ACAN: variants seen among roughly 807,000 people sequenced by gnomAD.
The protein encoded by ACAN is aggrecan.
ACAN carries 47 observed loss-of-function variants against 169.1 expected under a neutral mutation model. That is an observed-to-expected ratio of 0.28 (90% CI 0.22 to 0.35). The LOEUF (loss-of-function observed/expected upper bound fraction) is 0.35. Among genes scored for constraint, ACAN ranks in the 10% least tolerant of loss-of-function variants. ACAN has a pLI of 1.00. For missense variants in ACAN, 2,716 were observed against 2,759.9 expected, an observed-to-expected ratio of 0.98 and a Z score of 0.36; for synonymous variants, 1,115 against 1,112.2, an observed-to-expected ratio of 1.00 and a Z score of -0.05.
Position 88,845,831 on chromosome 15 carries a change from G to T in ACAN, c.1378G>T (p.Asp460Tyr). The change falls in exon 7 of 19, where the codon GAC becomes TAC. Residue 460 changes from aspartate (D) to tyrosine (Y), a missense_variant. By Grantham distance (160) the Asp-to-Tyr change is radical. Coordinates refer to ENST00000560601, the MANE Select transcript of ACAN (RefSeq NM_001369268.1). ...CCCTGCCACGGCATTCACCAGTGAG[G>T]ACCTCGTCGTGCAGGTGACCGCTGT... The part of the protein sequence containing the change: ...LGPATAFTSE[D>Y]LVVQVTAVPG... 5 of 1,506,764 alleles carry T rather than the reference G, an allele frequency of 3.3e-6. No homozygotes were observed. The highest frequency in any genetic ancestry group is 1.8e-4 in the Middle Eastern group (1 of 5,702). The allele number at this position is 1,506,764 out of a possible 1,614,324, so 93.3% of individuals were successfully genotyped here.
In ACAN at chr15:88,850,423, G is replaced by A. The variant is rs547794233; in HGVS notation, c.2026+692G>A. ...GTAAGCATGGCCAGGGCATAGCCAC[G>A]GAATTGCTGGGCTCTGGATGAGTTC... On this transcript the variant is annotated intron_variant, in intron 10 of 18. Coordinates refer to ENST00000560601, the MANE Select transcript of ACAN (RefSeq NM_001369268.1). 9 of 155,146 alleles carry A rather than the reference G, an allele frequency of 5.8e-5. No individual in the cohort carries two copies. The East Asian group carries it at 9.5e-4, about 16-fold the overall frequency. The allele number at this position is 155,146 out of a possible 1,614,324, so 9.6% of individuals were successfully genotyped here.
chr15:88,820,047 A>G (rs1567166471), intron 1 of ACAN, among the ~76,000 whole-genome samples: 1 of 152,190 alleles, frequency 6.6e-6, no homozygotes, highest in Non-Finnish European at 1.5e-5. Context: ...GACTAATCAC[A>G]GTGTGCCCCT....
intron 1 of ACAN, among the ~76,000 whole-genome samples, chr15:88,819,985 G>A (rs1043021225): frequency 6.6e-6 from 1 of 152,036 alleles, no homozygotes; most frequent in Admixed American, 6.6e-5. Context: ...TGAGGGAGAT[G>A]AGATAAGTTA....
rs1897426825 is a variant in ACAN at position 88,873,289 on chromosome 15, C to A, written c.7447+264C>A. Reference sequence around the variant, plus strand: ...AAGGTCACAGGCTAGAAGACAGGACCCCCACTCCACACTCCACACAGTCCC... The same window carrying A: ...AAGGTCACAGGCTAGAAGACAGGACACCCACTCCACACTCCACACAGTCCC... On this transcript the variant is annotated intron_variant, in intron 17 of 18. Transcript: ENST00000560601. The surrounding 1 kb of genome is among the most constrained non-coding windows in gnomAD (Gnocchi z 7.5). 6.6e-6 allele frequency among the ~76,000 whole-genome samples: 1 copy of A among 152,168 alleles called. No individual in the cohort carries two copies. The highest frequency in any genetic ancestry group is 1.5e-5 in the Non-Finnish European group (1 of 68,030).
rs1897308857 is a variant in ACAN, at chr15:88,868,080, G to T, written c.6947-136G>T. On this transcript the variant is annotated intron_variant, in intron 13 of 18. Transcript: ENST00000560601. The surrounding 1 kb of genome is among the most constrained non-coding windows in gnomAD (Gnocchi z 5.2). ...AGCAGCAGCAGCAGCAGCAGCAACA[G>T]TTCTCAGGAAAACCAGCCAGTTCCC... is the stretch of plus-strand genomic sequence containing the variant. 1 of 623,868 alleles carries T rather than the reference G, an allele frequency of 1.6e-6. No individual in the cohort carries two copies. The highest frequency in any genetic ancestry group is 1.9e-5 in the South Asian group (1 of 53,030). 38.6% of individuals were successfully genotyped at this position (623,868 alleles called of 1,614,324 possible).
rs571888451 is a variant in ACAN at position 88,851,985 on chromosome 15, A to T, written c.2218A>T (p.Thr740Ser). ...LEFTTEPENQ[T>S]EWEPAYTPVG... The stretch of plus-strand genomic sequence containing the variant: ...GTTCACCACCGAGCCAGAAAACCAG[A>T]CAGAATGGGAACCAGCCTATACCCC... Residue 740 changes from threonine to serine, a missense_variant, in exon 11 of 19, where the codon ACA becomes TCA. Coordinates refer to ENST00000560601, the MANE Select transcript of ACAN (RefSeq NM_001369268.1). The surrounding 1 kb of genome is among the most constrained non-coding windows in gnomAD (Gnocchi z 4.3). 100 of 1,611,634 alleles carry T rather than the reference A, an allele frequency of 6.2e-5. No individual in the cohort carries two copies. The highest frequency in any genetic ancestry group is 8.2e-5 in the Non-Finnish European group (97 of 1,178,916).
In ACAN at chr15:88,870,983, C is replaced by T. The variant is rs1897365292; in HGVS notation, c.7061-399C>T. 6.6e-6 allele frequency among the ~76,000 whole-genome samples: 1 copy of T among 152,206 alleles called. No homozygotes were observed. Among genetic ancestry groups the T allele is most frequent in the Non-Finnish European group, 1.5e-5 (1 of 68,042 alleles). ...CACACACTTCCCCACAGCTCCACTC[C>T]CTCTCTCCCTGGAGCCCCCCAGAGC... On this transcript the variant is annotated intron_variant, in intron 14 of 18. Coordinates refer to ENST00000560601, the MANE Select transcript of ACAN (RefSeq NM_001369268.1). This position sits in a 1 kb window ranked among gnomAD's most constrained non-coding sequence, Gnocchi z 6.3.
rs1208513777 is a variant in ACAN, at chr15:88,849,903, C to A, written c.2026+172C>A. The stretch of plus-strand genomic sequence containing the variant: ...CACAACGCAGGCTTTGACCCCAAGG[C>A]AAGGTCATCCTTCTAAAGTTCCCCA... On this transcript the variant is annotated intron_variant, in intron 10 of 18. Transcript: ENST00000560601. This position sits in a 1 kb window ranked among gnomAD's most constrained non-coding sequence, Gnocchi z 5.1. 4.4e-6 allele frequency: 4 copies of A among 916,172 alleles called. No homozygotes were observed. The highest frequency in any genetic ancestry group is 6.9e-6 in the Non-Finnish European group (4 of 579,824). 56.8% of individuals were successfully genotyped at this position (916,172 alleles called of 1,614,324 possible). A position where few individuals can be genotyped will look rare whatever the true frequency, so the allele number is the denominator to read the frequency against.
Position 88,858,011 on chromosome 15 carries a change from C to T in ACAN, c.5426C>T (p.Thr1809Ile), listed in dbSNP as rs1567186906. The change falls in exon 12 of 19, where the codon ACA becomes ATA. Residue 1809 changes from threonine to isoleucine, a missense_variant. Coordinates refer to ENST00000560601, the MANE Select transcript of ACAN (RefSeq NM_001369268.1). The surrounding 1 kb of genome is among the most constrained non-coding windows in gnomAD (Gnocchi z 4.0). Reference sequence around the variant, plus strand: ...GGGTTACCAGGGTTCAGTGGGGCAACATCAGGAGTCCCTGACCTGGTTTCT... The same window carrying T: ...GGGTTACCAGGGTTCAGTGGGGCAATATCAGGAGTCCCTGACCTGGTTTCT... ...PSGLPGFSGATSGVPDLVSGT... is the reference protein window; with the variant it reads ...PSGLPGFSGAISGVPDLVSGT... 6.2e-7 allele frequency: 1 copy of T among 1,613,938 alleles called. No homozygotes were observed. Among genetic ancestry groups the T allele is most frequent in the Non-Finnish European group, 8.5e-7 (1 of 1,179,906 alleles).
At position 88,858,657 on chromosome 15, in the gene ACAN, C is replaced by A; in HGVS notation, c.6072C>A (p.Thr2024=). 2 of 1,613,972 alleles carry A rather than the reference C, an allele frequency of 1.2e-6. No individual in the cohort carries two copies. Among genetic ancestry groups the A allele is most frequent in the Non-Finnish European group, 8.5e-7 (1 of 1,179,896 alleles). Residue 2024 remains threonine, a synonymous_variant, in exon 12 of 19, where the codon ACC becomes ACA. Transcript: ENST00000560601. This position sits in a 1 kb window ranked among gnomAD's most constrained non-coding sequence, Gnocchi z 4.0. ...GAGAATCCTCTGTAGCCATGGGCAC[C>A]AGTGGAGAGGCCTCAGGACTTCCAG... The part of the protein sequence containing the change: ...VSGESSVAMG[T]SGEASGLPEV...
Position 88,845,680 on chromosome 15 carries a change from C to T in ACAN, c.1227C>T (p.Pro409=), listed in dbSNP as rs1408644008. The part of the protein sequence containing the change: ...LTVKPIFEVS[P]SPLEPEEPFT... ...TAAAGCCCATCTTCGAGGTCTCCCC[C>T]AGTCCCCTGGAACCCGAGGAGCCCT... Residue 409 remains proline, a synonymous_variant, in exon 7 of 19, where the codon CCC becomes CCT. Coordinates refer to ENST00000560601, the MANE Select transcript of ACAN (RefSeq NM_001369268.1). 3 of 1,614,048 alleles carry T rather than the reference C, an allele frequency of 1.9e-6. No individual in the cohort carries two copies. Among genetic ancestry groups the T allele is most frequent in the Admixed American group, 1.7e-5 (1 of 60,032 alleles).
rs1328443874 is a variant in ACAN at position 88,842,515 on chromosome 15, C to T, written c.757+648C>T. 1.4e-4 allele frequency among the ~76,000 whole-genome samples: 19 copies of T among 134,152 alleles called. No homozygotes were observed. The South Asian group carries it at 3.9e-3, about 27-fold the overall frequency. 88.0% of individuals were successfully genotyped at this position (134,152 alleles called of 152,430 possible). A position where few individuals can be genotyped will look rare whatever the true frequency, so the allele number is the denominator to read the frequency against. ...TATCTCCTCCCTCCCTGCCCATCCC[C>T]CCTCCCCCCTACCTGAGCACAGTGC... On this transcript the variant is annotated intron_variant, in intron 5 of 18. Transcript: ENST00000560601.
At chr15:88,819,984 T>C (rs947391710) in intron 1 of ACAN, among the ~76,000 whole-genome samples, 2 of 151,968 alleles carry the variant, frequency 1.3e-5, no homozygotes, top group African/African-American at 4.8e-5. Flanking sequence ...CTGAGGGAGA[T>C]GAGATAAGTT....
Position 88,840,000 on chromosome 15 carries a change from T to C in ACAN, c.455-12T>C. On this transcript the variant is annotated splice_polypyrimidine_tract_variant and intron_variant, in intron 3 of 18. Transcript: ENST00000560601. The surrounding 1 kb of genome is among the most constrained non-coding windows in gnomAD (Gnocchi z 4.5). ...CAGCTCTTCCGCTTGTGGGCGTGTA[T>C]GTGTCTTGCAGGCATCGTGTTCCAT... The C allele has an allele frequency of 6.3e-7, 1 of 1,593,702 alleles. No individual in the cohort carries two copies.
chr15:88,818,056 A>G (rs920848290), intron 1 of ACAN, among the ~76,000 whole-genome samples: 5 of 152,200 alleles, frequency 3.3e-5, no homozygotes, highest in Non-Finnish European at 7.3e-5. Flanking sequence ...GCTTAATGAT[A>G]TAGCATGAAC....
chr15:88,822,884 A>T (rs1234383117), intron 1 of ACAN, among the ~76,000 whole-genome samples: 1 of 152,186 alleles, frequency 6.6e-6, no homozygotes, highest in Non-Finnish European at 1.5e-5. Context: ...CAAGAACCCG[A>T]GCATCTGTCC....
chr15:88,824,993 T>C (rs1896176366), intron 1 of ACAN, among the ~76,000 whole-genome samples: 1 of 151,878 alleles, frequency 6.6e-6, no homozygotes, highest in Admixed American at 6.5e-5. Flanking sequence ...CAGGCTAGAA[T>C]GACAATGGCC....
In ACAN at chr15:88,874,139, G is replaced by C. The variant is rs559871286; in HGVS notation, c.7630+115G>C. 1.4e-6 allele frequency: 2 copies of C among 1,391,036 alleles called. No individual in the cohort carries two copies. The highest frequency in any genetic ancestry group is 4.9e-5 in the East Asian group (2 of 40,576). 86.2% of individuals were successfully genotyped at this position (1,391,036 alleles called of 1,614,324 possible). A position where few individuals can be genotyped will look rare whatever the true frequency, so the allele number is the denominator to read the frequency against. On this transcript the variant is annotated intron_variant, in intron 18 of 18. Transcript: ENST00000560601. This position sits in a 1 kb window ranked among gnomAD's most constrained non-coding sequence, Gnocchi z 7.3. ...CCGTCCACAGGGTTGAGCAAGGGAAGGGAGGTCGGGGGGCTGCTCAGTCAC... is the reference window on the plus strand; with the variant it reads ...CCGTCCACAGGGTTGAGCAAGGGAACGGAGGTCGGGGGGCTGCTCAGTCAC...
intron 11 of ACAN, among the ~76,000 whole-genome samples, chr15:88,852,677 C>G (rs1896957371): frequency 6.6e-6 from 1 of 152,162 alleles, no homozygotes; most frequent in African/African-American, 2.4e-5. Flanking sequence ...CTTCTCAGAG[C>G]CTTGAATGTG....
Sources: gnomAD v4.1 joint callset for allele counts (sites outside exome capture counted in the v4.1 genomes callset) on GRCh38, gnomAD v4.1.1 for gene constraint, Gnocchi (gnomAD v3.1) non-coding constraint, MANE v1.5 for transcripts, NCBI Gene and HGNC (gene_info 2026-07-23, HGNC 2026-07-21) for gene names.